PIK3C3: variants seen among roughly 807,000 people sequenced by gnomAD.
PIK3C3 encodes PI3-kinase type 3.
In PIK3C3, 95 loss-of-function variants were observed where a neutral mutation model predicts 126.1. That is an observed-to-expected ratio of 0.75 (90% confidence interval 0.64 to 0.89). The LOEUF is 0.89. PIK3C3 is among the 40% of genes least tolerant of loss of function. The probability of loss-of-function intolerance (pLI) is 0.00; values close to 1 mark genes in which losing one functional copy is unlikely to be tolerated. For missense variants in PIK3C3, 829 were observed against 1,063.2 expected (o/e 0.78, Z 3.06); for synonymous variants, 374 against 360.0 (o/e 1.04, Z -0.44).
At chr18:42,054,125 GGTATATATATATATATATATATATAT>G (rs1984926889) in intron 21 of PIK3C3, among the ~76,000 whole-genome samples, 1 of 42,964 alleles carries the variant, frequency 2.3e-5, no homozygotes, top group Non-Finnish European at 4.2e-5. Flanking sequence ...CAGAACTAAT[GGTATATATATATATATATATATATAT>G]ATATATATAT....
intron 24 of PIK3C3, among the ~76,000 whole-genome samples, chr18:42,078,379 G>T (rs2144539171): frequency 1.4e-5 from 1 of 71,844 alleles, no homozygotes; most frequent in Admixed American, 2.2e-4. Flanking sequence ...GCGAGACTCT[G>T]TCTCAAAAAA....
At chr18:42,043,925 T>C in intron 20 of PIK3C3, 108 bp downstream of exon 20, 1 of 678,152 alleles carries the variant, frequency 1.5e-6, no homozygotes, top group Non-Finnish European at 2.6e-6. Context: ...TTAAATGCTC[T>C]ATAGGAAGAG....
chr18:42,028,772 GAT>G, intron 14 of PIK3C3, among the ~76,000 whole-genome samples: 1 of 152,340 alleles, frequency 6.6e-6, no homozygotes, highest in Admixed American at 6.5e-5. Flanking sequence ...TAATTGGGAA[GAT>G]TAAATTAGAA....
intron 22 of PIK3C3, chr18:42,059,683 A>AT (rs1207935074): frequency 6.6e-6 from 1 of 152,144 alleles, no homozygotes; most frequent in Non-Finnish European, 1.5e-5. Flanking sequence ...AATCTAAATA[A>AT]TTTTATGCAG....
chr18:41,962,757 G>A, intron 3 of PIK3C3, 125 bp downstream of exon 3: 1 of 730,028 alleles, frequency 1.4e-6, no homozygotes, highest in Non-Finnish European at 2.1e-6. Context: ...AGGTACATAT[G>A]ATTTGATCAT....
intron 14 of PIK3C3, among the ~76,000 whole-genome samples, chr18:42,028,621 A>G (rs1248444965): frequency 6.6e-6 from 1 of 152,182 alleles, no homozygotes; most frequent in Admixed American, 6.5e-5. Context: ...CTGATTGGCA[A>G]ATAAGCCTTT....
At chr18:42,074,036 G>A (rs1378001237) in intron 24 of PIK3C3, among the ~76,000 whole-genome samples, 3 of 152,054 alleles carry the variant, frequency 2.0e-5, no homozygotes, top group African/African-American at 7.2e-5. Context: ...TACTTGTGCT[G>A]GTGTTAACTC....
At position 42,029,374 on chromosome 18, in the gene PIK3C3, C is replaced by G. The variant is rs755004240; in HGVS notation, c.1640C>G (p.Thr547Arg). 6.2e-7 allele frequency: 1 copy of G among 1,613,802 alleles called. No homozygotes were observed. Among genetic ancestry groups the G allele is most frequent in the Non-Finnish European group, 8.5e-7 (1 of 1,179,852 alleles). The change falls in exon 15 of 25, where the codon ACA becomes AGA. Residue 547 changes from threonine (T) to arginine (R), a missense_variant. Thr to Arg is a moderately conservative substitution (Grantham distance 71). Transcript: ENST00000262039. ...CGTTCTTTGCTGGCTGCACAACAGA[C>G]ATTTGTAGATCGGTTGGTGCATCTA... is the stretch of plus-strand genomic sequence containing the variant. ...VMRSLLAAQQTFVDRLVHLMK... is the reference protein window; with the variant it reads ...VMRSLLAAQQRFVDRLVHLMK...
rs1980153966 is a variant in PIK3C3, at chr18:41,962,646, T to C, written c.401+14T>C. 2.5e-6 allele frequency: 4 copies of C among 1,607,980 alleles called. No homozygotes were observed. Among genetic ancestry groups the C allele is most frequent in the Non-Finnish European group, 3.4e-6 (4 of 1,176,882 alleles). On this transcript the variant is annotated intron_variant, in intron 3 of 24. Transcript: ENST00000262039. ...TGGAAAATACGGGTAAGCATTCTGT[T>C]GGTCTCATCTGTAGGAGTGTAGCAG...
chr18:42,040,648 C>G, intron 18 of PIK3C3, 29 bp from the exon 19 acceptor site: 1 of 1,508,436 alleles, frequency 6.6e-7, no homozygotes, highest in Admixed American at 1.8e-5. Context: ...AGTAGCTATG[C>G]TTAATGCAGT....
At chr18:42,060,916 T>C (rs1985286804) in intron 22 of PIK3C3, among the ~76,000 whole-genome samples, 1 of 152,236 alleles carries the variant, frequency 6.6e-6, no homozygotes, top group South Asian at 2.1e-4. Context: ...CTTCCCCTCT[T>C]TGAAGTAGTA....
At chr18:42,005,775 TG>T (rs1311725252) in intron 10 of PIK3C3, among the ~76,000 whole-genome samples, 3 of 145,270 alleles carry the variant, frequency 2.1e-5, no homozygotes, top group African/African-American at 7.3e-5. Flanking sequence ...AGTTGATCAT[TG>T]TATGTGTGTA....
intron 20 of PIK3C3, among the ~76,000 whole-genome samples, chr18:42,046,138 A>T (rs1263400156): frequency 6.6e-6 from 1 of 152,156 alleles, no homozygotes; most frequent in Admixed American, 6.6e-5. Flanking sequence ...AATTCACATT[A>T]TATCTTATCT....
Position 41,996,185 on chromosome 18 carries a change from T to G in PIK3C3, c.891+191T>G, listed in dbSNP as rs116889757. 7.8e-4 allele frequency among the ~76,000 whole-genome samples: 119 copies of G among 152,274 alleles called. No individual in the cohort carries two copies. In the East Asian group the frequency reaches 0.02, roughly 25 times the overall value. On this transcript the variant is annotated intron_variant, in intron 8 of 24. Coordinates refer to ENST00000262039, the MANE Select transcript of PIK3C3 (RefSeq NM_002647.4). ...TGGGGCTTTCCATAAATGTGTTATC[T>G]CTGGAGACAGAACTGCATATACTGT...
intron 14 of PIK3C3, 105 bp from the exon 15 acceptor site, chr18:42,029,220 A>C: frequency 2.8e-6 from 2 of 709,816 alleles, no homozygotes; most frequent in Non-Finnish European, 5.1e-6. Flanking sequence ...TTTCTATTTA[A>C]GTTTATAACT....
rs1986290336 is a variant in PIK3C3, at chr18:42,082,656, G to C, written c.*1519G>C. 1 of 152,034 alleles carries C rather than the reference G, an allele frequency of 6.6e-6. No individual in the cohort carries two copies. The highest frequency in any genetic ancestry group is 1.5e-5 in the Non-Finnish European group (1 of 68,002). The allele number at this position is 152,034 out of a possible 1,614,324, so 9.4% of individuals were successfully genotyped here. On this transcript the variant is annotated 3_prime_UTR_variant, in exon 25 of 25. Transcript: ENST00000262039. ...GAAACTTCCTCCAAAACTTTTCTCTGAATTACCCTTGTTGAAACTGACCTT... is the reference window on the plus strand; with the variant it reads ...GAAACTTCCTCCAAAACTTTTCTCTCAATTACCCTTGTTGAAACTGACCTT...
chr18:42,046,736 T>A (rs1798499292), intron 20 of PIK3C3, among the ~76,000 whole-genome samples: 2 of 152,168 alleles, frequency 1.3e-5, no homozygotes, highest in South Asian at 4.1e-4. Flanking sequence ...ATCCCATTCT[T>A]ACCTCAAATG....
chr18:42,015,458 CT>C lies in PIK3C3; in HGVS notation c.1326-14del. ...AGAGTATTTTACATCTCAGTGATCT[CT>C]TTTATTACTTTTTCAGCTCCCAAAT... On this transcript the variant is annotated splice_polypyrimidine_tract_variant and intron_variant, in intron 11 of 24. Transcript: ENST00000262039. 1.3e-6 allele frequency: 2 copies of C among 1,588,620 alleles called. No homozygotes were observed. Among genetic ancestry groups the C allele is most frequent in the Non-Finnish European group, 1.7e-6 (2 of 1,157,396 alleles).
At chr18:42,050,461 A>G (rs1403184852) in intron 21 of PIK3C3, 1 of 152,150 alleles carries the variant, frequency 6.6e-6, no homozygotes, top group Non-Finnish European at 1.5e-5. Flanking sequence ...AATTGTCATT[A>G]TATATGGCCA....
Sources: gnomAD v4.1 joint callset for allele counts (sites outside exome capture counted in the v4.1 genomes callset) on GRCh38, gnomAD v4.1.1 for gene constraint, MANE v1.5 for transcripts, NCBI Gene and HGNC (gene_info 2026-07-23, HGNC 2026-07-21) for gene names.